The following NKD1 variants were observed in gnomAD, a reference collection of about 807,000 sequenced individuals.
NKD1 encodes NKD inhibitor of Wnt signaling pathway 1.
A neutral mutation model predicts 56.0 loss-of-function variants in NKD1; 21 were observed. The observed-to-expected ratio is 0.38, with a 90% CI of 0.27 to 0.54. The LOEUF is 0.54. NKD1 is among the 20% of genes least tolerant of loss of function. NKD1 has a pLI of 0.82. For synonymous variants in NKD1, 263 were observed against 265.7 expected, an observed-to-expected ratio of 0.99 and a Z score of 0.10; for missense variants, 578 against 642.7, an observed-to-expected ratio of 0.90 and a Z score of 1.09.
intron 3 of NKD1, among the ~76,000 whole-genome samples, chr16:50,550,591 C>T (rs1464104132): frequency 1.3e-5 from 2 of 152,016 alleles, no homozygotes; most frequent in African/African-American, 2.4e-5. Context: ...GCTCCCCTGT[C>T]CTCCTCCACC....
At chr16:50,558,741 GAAAA>G (rs1336076266) in intron 3 of NKD1, 2 of 147,898 alleles carry the variant, frequency 1.4e-5, no homozygotes, top group Non-Finnish European at 3.0e-5. Context: ...AAAAAAGAAA[GAAAA>G]GAAAGAAAAA....
At chr16:50,562,855 C>T (rs923284618) in intron 3 of NKD1, among the ~76,000 whole-genome samples, 1 of 152,066 alleles carries the variant, frequency 6.6e-6, no homozygotes, top group Non-Finnish European at 1.5e-5. Flanking sequence ...GACAAGCTCT[C>T]GCTCCATGGT....
intron 3 of NKD1, among the ~76,000 whole-genome samples, chr16:50,584,991 G>A (rs1043317577): frequency 3.9e-5 from 6 of 152,222 alleles, no homozygotes; most frequent in African/African-American, 1.2e-4. Flanking sequence ...ACCTGCTGCC[G>A]AGCCCAGGCA....
At chr16:50,606,528 G>A (rs887555035) in intron 3 of NKD1, 1 of 335,076 alleles carries the variant, frequency 3.0e-6, no homozygotes, top group African/African-American at 2.2e-5. Flanking sequence ...CTCCGAGCAG[G>A]GAGTGCTGAA....
rs538201393 is a variant in NKD1, at chr16:50,605,457, G to A, written c.193-2837G>A. 6.5e-4 allele frequency among the ~76,000 whole-genome samples: 99 copies of A among 152,266 alleles called. 1 individual carries two copies. The highest frequency in any genetic ancestry group is 2.2e-3 in the African/African-American group (91 of 41,546). On this transcript the variant is annotated intron_variant, in intron 3 of 9. Transcript: ENST00000268459. ...TGATTCAGGGGGCTAATAAATACAC[G>A]CTTACACAGTTGGCCCTCCTTATCC... is the stretch of plus-strand genomic sequence containing the variant.
intron 3 of NKD1, among the ~76,000 whole-genome samples, chr16:50,572,476 G>T (rs1475850778): frequency 6.6e-6 from 1 of 152,212 alleles, no homozygotes; most frequent in Admixed American, 6.5e-5. Flanking sequence ...ACTAGAGGGT[G>T]GGGGTAGTTG....
intron 2 of NKD1, chr16:50,548,981 C>A: frequency 1.0e-6 from 1 of 957,650 alleles, no homozygotes; most frequent in Non-Finnish European, 1.2e-6. Context: ...CCTCCCCCTC[C>A]CGCGTCCCTG....
At chr16:50,590,413 ACAGT>A (rs1961340012) in intron 3 of NKD1, among the ~76,000 whole-genome samples, 1 of 152,258 alleles carries the variant, frequency 6.6e-6, no homozygotes, top group Non-Finnish European at 1.5e-5. Flanking sequence ...ATGTTTAGAA[ACAGT>A]CATCCTTCTT....
chr16:50,633,917 C>T lies in NKD1; in HGVS notation c.*136C>T. The T allele has an allele frequency of 3.7e-6, 2 of 535,452 alleles. No individual in the cohort carries two copies. The allele number at this position is 535,452 out of a possible 1,614,324, so 33.2% of individuals were successfully genotyped here. A position where few individuals can be genotyped will look rare whatever the true frequency, so the allele number is the denominator to read the frequency against. ...TTATTGTTACTCCACTAATATTTAG[C>T]TAGCCTACATGTAGAAGATCTATGG... On this transcript the variant is annotated 3_prime_UTR_variant, in exon 10 of 10. Transcript: ENST00000268459. The surrounding 1 kb of genome is among the most constrained non-coding windows in gnomAD (Gnocchi z 4.9).
At chr16:50,572,846 C>T in intron 3 of NKD1, 1 of 982,062 alleles carries the variant, frequency 1.0e-6, no homozygotes, top group Non-Finnish European at 1.2e-6. Flanking sequence ...AGAAAGAGTG[C>T]TGACCAAAGT....
chr16:50,597,351 G>T (rs1961495119), intron 3 of NKD1, among the ~76,000 whole-genome samples: 1 of 152,150 alleles, frequency 6.6e-6, no homozygotes, highest in African/African-American at 2.4e-5. Context: ...GAAGTTTGAG[G>T]TGCCTGTTGA....
intron 3 of NKD1, among the ~76,000 whole-genome samples, chr16:50,573,624 T>C (rs1960932538): frequency 9.2e-5 from 14 of 152,232 alleles, no homozygotes; most frequent in Admixed American, 9.2e-4. Context: ...TGAGACCCTT[T>C]GCAGATGTAC....
intron 3 of NKD1, among the ~76,000 whole-genome samples, chr16:50,561,163 G>C (rs531660466): frequency 6.6e-6 from 1 of 152,046 alleles, no homozygotes; most frequent in Non-Finnish European, 1.5e-5. Context: ...TCCCATGGAG[G>C]GGGGGCCCAT....
At position 50,639,917 on chromosome 16, in the gene NKD1, G is replaced by A. The variant is rs1440660404; in HGVS notation, c.*6136G>A. On this transcript the variant is annotated 3_prime_UTR_variant, in exon 10 of 10. Transcript: ENST00000268459. ...TCCCAGTCTTCCCACTTTGCTTGGG[G>A]GTCCTTGGTCAAGGCCAGCTTTGGG... is the stretch of plus-strand genomic sequence containing the variant. 1 of 152,144 alleles carries A rather than the reference G, an allele frequency of 6.6e-6. No homozygotes were observed. The highest frequency in any genetic ancestry group is 1.5e-5 in the Non-Finnish European group (1 of 68,066). 9.4% of individuals were successfully genotyped at this position (152,144 alleles called of 1,614,324 possible). A position where few individuals can be genotyped will look rare whatever the true frequency, so the allele number is the denominator to read the frequency against.
intron 5 of NKD1, among the ~76,000 whole-genome samples, chr16:50,622,747 A>G (rs1316264361): frequency 2.0e-5 from 3 of 152,170 alleles, no homozygotes; most frequent in Non-Finnish European, 2.9e-5. Flanking sequence ...TTTCTCACCA[A>G]TGCTGATTGG....
In NKD1 at chr16:50,633,658, G is replaced by A. The variant is rs1184187821; in HGVS notation, c.1290G>A (p.Glu430=). ...CAGGTGGCCCTGTCCTGGGGCGGGA[G>A]CACCTGCGGGAGCTGCCCGCCTTGG... The part of the protein sequence containing the change: ...LASGGPVLGR[E]HLRELPALVV... The change falls in exon 10 of 10, where the codon GAG becomes GAA. Residue 430 remains glutamate, a synonymous_variant. Coordinates refer to ENST00000268459, the MANE Select transcript of NKD1 (RefSeq NM_033119.5). The surrounding 1 kb of genome is among the most constrained non-coding windows in gnomAD (Gnocchi z 4.9). The A allele has an allele frequency of 3.1e-6, 5 of 1,604,738 alleles. No individual in the cohort carries two copies. Among genetic ancestry groups the A allele is most frequent in the African/African-American group, 1.3e-5 (1 of 74,806 alleles).
chr16:50,583,771 A>G (rs1192899139), intron 3 of NKD1, among the ~76,000 whole-genome samples: 1 of 152,200 alleles, frequency 6.6e-6, no homozygotes, highest in African/African-American at 2.4e-5. Flanking sequence ...AAAGGGTTCC[A>G]TTTAAAGGAC....
At chr16:50,574,531 G>A (rs1051319049) in intron 3 of NKD1, 2 of 985,306 alleles carry the variant, frequency 2.0e-6, no homozygotes, top group African/African-American at 3.5e-5. Flanking sequence ...CCCAGGCACG[G>A]CCGAATGGCA....
chr16:50,569,494 T>C (rs894324946), intron 3 of NKD1, among the ~76,000 whole-genome samples: 3 of 152,204 alleles, frequency 2.0e-5, no homozygotes, highest in African/African-American at 7.2e-5. Context: ...AGCTTCCACA[T>C]GGCTTTGCTA....
Sources: gnomAD v4.1 joint callset for allele counts (sites outside exome capture counted in the v4.1 genomes callset) on GRCh38, gnomAD v4.1.1 for gene constraint, Gnocchi (gnomAD v3.1) non-coding constraint, MANE v1.5 for transcripts, NCBI Gene and HGNC (gene_info 2026-07-23, HGNC 2026-07-21) for gene names.